Variants in FNDC7 observed in about 807,000 individuals in gnomAD.
FNDC7 encodes fibronectin type III domain containing 7.
Under a neutral mutation model 74.2 loss-of-function variants are expected in FNDC7, and 66 were observed. That is an observed-to-expected ratio of 0.89 (90% CI 0.73 to 1.09). FNDC7 has a LOEUF of 1.09. FNDC7 is among the 50% of genes least tolerant of loss of function. The probability of loss-of-function intolerance (pLI) is 0.00; values close to 1 mark genes in which losing one functional copy is unlikely to be tolerated. For synonymous variants in FNDC7, 307 were observed against 330.2 expected (o/e 0.93, Z 0.76); for missense variants, 829 against 893.4 (o/e 0.93, Z 0.92).
chr1:108,713,545 C>G lies in FNDC7; in HGVS notation c.82+16C>G. 1.3e-6 allele frequency: 2 copies of G among 1,539,788 alleles called. No homozygotes were observed. The highest frequency in any genetic ancestry group is 1.7e-6 in the Non-Finnish European group (2 of 1,143,332). ...GCAAAATCAGGTACAATTTTCTGAC[C>G]TGCAAGTTTTTCCTTCTCGTATTTG... is the stretch of plus-strand genomic sequence containing the variant. On this transcript the variant is annotated intron_variant, in intron 2 of 12. Transcript: ENST00000370017.
chr1:108,727,400 G>T (rs780307722), intron 6 of FNDC7, among the ~76,000 whole-genome samples: 14 of 152,092 alleles, frequency 9.2e-5, no homozygotes, highest in African/African-American at 3.1e-4. Context: ...AGTTTTATTT[G>T]GTTTACTGTC....
intron 10 of FNDC7, among the ~76,000 whole-genome samples, chr1:108,735,256 C>A (rs1661482395): frequency 2.0e-5 from 3 of 152,218 alleles, no homozygotes; most frequent in Admixed American, 6.5e-5. Flanking sequence ...TACTGCTATG[C>A]CTCAGGCCCT....
In FNDC7 at chr1:108,741,844, G is replaced by A. The variant is rs1283486134; in HGVS notation, c.*37+3G>A. The A allele has an allele frequency of 6.2e-7, 1 of 1,601,086 alleles. No individual in the cohort carries two copies. On this transcript the variant is annotated splice_donor_region_variant and intron_variant, in intron 12 of 12. Transcript: ENST00000370017. ...GATAAAAACAAAAACTTGACCAAGT[G>A]AGTAACGTAAATTGATTTTGTGTGA...
chr1:108,730,888 C>T lies in FNDC7; in HGVS notation c.1839C>T (p.Thr613=), dbSNP rs764045091. 20 of 1,613,270 alleles carry T rather than the reference C, an allele frequency of 1.2e-5. No homozygotes were observed. The highest frequency in any genetic ancestry group is 5.3e-5 in the African/African-American group (4 of 74,894). Residue 613 remains threonine, a synonymous_variant, in exon 9 of 13, where the codon ACC becomes ACT. Transcript: ENST00000370017. The part of the protein sequence containing the change: ...YTVTLKAISA[T]GLTADCSYQS... ...TGACATTAAAAGCAATTAGTGCCAC[C>T]GGGTTGACTGCAGATTGCTCCTACC... is the stretch of plus-strand genomic sequence containing the variant.
intron 2 of FNDC7, among the ~76,000 whole-genome samples, chr1:108,716,611 T>C (rs1223109436): frequency 6.6e-6 from 1 of 152,068 alleles, no homozygotes; most frequent in African/African-American, 2.4e-5. Context: ...TTTTGCAGCA[T>C]GGTTATTTCT....
At chr1:108,727,554 T>C (rs973402470) in intron 6 of FNDC7, among the ~76,000 whole-genome samples, 1 of 152,026 alleles carries the variant, frequency 6.6e-6, no homozygotes, top group African/African-American at 2.4e-5. Context: ...TTGAGGAGTC[T>C]GGTGTGGCAG....
At chr1:108,727,727 C>G in intron 6 of FNDC7, 81 bp from the exon 7 acceptor site, 1 of 1,532,132 alleles carries the variant, frequency 6.5e-7, no homozygotes, top group Non-Finnish European at 8.9e-7. Flanking sequence ...AGGCTCTGGG[C>G]ATGGGAGGTC....
At chr1:108,730,633 G>T in intron 8 of FNDC7, 41 bp from the exon 9 acceptor site, 1 of 1,490,870 alleles carries the variant, frequency 6.7e-7, no homozygotes, top group East Asian at 2.4e-5. Context: ...AATCTTCAGT[G>T]GAAATAAATC....
At chr1:108,737,580 G>C in intron 11 of FNDC7, 56 bp downstream of exon 11, 1 of 1,445,270 alleles carries the variant, frequency 6.9e-7, no homozygotes, top group Non-Finnish European at 9.4e-7. Context: ...CTCCATTTTG[G>C]GGTTAATGAA....
chr1:108,725,629 A>C lies in FNDC7; in HGVS notation c.857-121A>C. 5.4e-6 allele frequency: 6 copies of C among 1,106,532 alleles called. No individual in the cohort carries two copies. In the East Asian group the frequency reaches 1.5e-4, roughly 28 times the overall value. 68.5% of individuals were successfully genotyped at this position (1,106,532 alleles called of 1,614,324 possible). ...CACAGTTTTGCATTTTGTGCACCAA[A>C]TTCAATCTGTCACAAAGCTCAGAGT... On this transcript the variant is annotated intron_variant, in intron 5 of 12. Transcript: ENST00000370017.
intron 6 of FNDC7, among the ~76,000 whole-genome samples, chr1:108,727,360 C>A (rs1312773822): frequency 1.3e-5 from 2 of 151,908 alleles, no homozygotes; most frequent in African/African-American, 4.8e-5. Flanking sequence ...AACAAAAAAA[C>A]TACTTATATA....
rs746195690 is a variant in FNDC7, at chr1:108,725,998, A to G, written c.1105A>G (p.Thr369Ala). Residue 369 changes from threonine (T) to alanine (A), a missense_variant, in exon 6 of 13, where the codon ACC (threonine) becomes GCC (alanine). Transcript: ENST00000370017. Reference sequence around the variant, plus strand: ...TCCTTTGGGTGACATATTCAATTATACCACAGGTAAGTCCCATTTGATGTT... The same window carrying G: ...TCCTTTGGGTGACATATTCAATTATGCCACAGGTAAGTCCCATTTGATGTT... Reference protein sequence around the residue: ...QSPLGDIFNYTTAPCCPSDIN... With the variant: ...QSPLGDIFNYATAPCCPSDIN... 1 of 1,614,154 alleles carries G rather than the reference A, an allele frequency of 6.2e-7. No individual in the cohort carries two copies. Among genetic ancestry groups the G allele is most frequent in the South Asian group, 1.1e-5 (1 of 91,078 alleles).
At chr1:108,726,393 G>C (rs1232258380) in intron 6 of FNDC7, among the ~76,000 whole-genome samples, 1 of 152,230 alleles carries the variant, frequency 6.6e-6, no homozygotes, top group African/African-American at 2.4e-5. Context: ...ACGCTACATG[G>C]TGTGGAGGGC....
In FNDC7 at chr1:108,730,733, A is replaced by G. The variant is rs1289618742; in HGVS notation, c.1684A>G (p.Ser562Gly). ...AATCACCCAGTCAGTAATCAACGTG[A>G]GCTGGACTATTGGGAGAGTGGCTCA... ...TQITQSVINVSWTIGRVAQTH... is the reference protein window; with the variant it reads ...TQITQSVINVGWTIGRVAQTH... The change falls in exon 9 of 13, where the codon AGC becomes GGC. Residue 562 changes from serine to glycine, a missense_variant. Transcript: ENST00000370017. 1 of 1,612,552 alleles carries G rather than the reference A, an allele frequency of 6.2e-7. No individual in the cohort carries two copies. The highest frequency in any genetic ancestry group is 2.2e-5 in the East Asian group (1 of 44,762).
At chr1:108,713,051 A>G in intron 1 of FNDC7, 55 bp downstream of exon 1, 1 of 1,456,170 alleles carries the variant, frequency 6.9e-7, no homozygotes, top group African/African-American at 1.4e-5. Context: ...AGAAAGACAC[A>G]TTATTTTTCT....
At chr1:108,728,941 T>C in intron 8 of FNDC7, 55 bp downstream of exon 8, 1 of 1,581,630 alleles carries the variant, frequency 6.3e-7, no homozygotes, top group Non-Finnish European at 8.6e-7. Context: ...TTATGGAGTG[T>C]TTCAAGACAT....
intron 4 of FNDC7, among the ~76,000 whole-genome samples, chr1:108,721,740 T>C (rs978229268): frequency 2.0e-5 from 3 of 152,240 alleles, no homozygotes; most frequent in Non-Finnish European, 4.4e-5. Flanking sequence ...ACTGCCTTAA[T>C]ATGTATGCAT....
chr1:108,722,912 T>G (rs771064905), intron 5 of FNDC7, among the ~76,000 whole-genome samples: 1 of 152,258 alleles, frequency 6.6e-6, no homozygotes, highest in African/African-American at 2.4e-5. Flanking sequence ...CAGCTCTAAC[T>G]GTGCATACAG....
intron 4 of FNDC7, among the ~76,000 whole-genome samples, chr1:108,721,356 C>T (rs145406401): frequency 0.02 from 3,020 of 152,258 alleles, 41 homozygotes; most frequent in Non-Finnish European, 0.032. Flanking sequence ...GTAGTCCCAG[C>T]TACTCAGGAG....
Sources: allele counts gnomAD v4.1 joint callset (sites outside exome capture counted in the v4.1 genomes callset), GRCh38; gene constraint gnomAD v4.1.1; transcripts MANE v1.5; gene names NCBI Gene and HGNC (gene_info 2026-07-23, HGNC 2026-07-21).